ECD: variants seen among roughly 807,000 people sequenced by gnomAD.
ECD encodes the protein ecdysoneless cell cycle regulator.
In ECD, 59 loss-of-function variants were observed where a neutral mutation model predicts 77.2. That is an observed-to-expected ratio of 0.76 (90% CI 0.62 to 0.95). The LOEUF (loss-of-function observed/expected upper bound fraction) is 0.95, where lower values mean the gene tolerates loss of function less well. ECD is among the 40% of genes least tolerant of loss of function. The pLI is 0.00. For missense variants in ECD, 704 were observed against 763.4 expected (o/e 0.92, Z 0.92); for synonymous variants, 233 against 267.4 (o/e 0.87, Z 1.26).
intron 5 of ECD, among the ~76,000 whole-genome samples, chr10:73,155,355 C>T (rs1434901184): frequency 2.0e-5 from 3 of 152,110 alleles, no homozygotes; most frequent in African/African-American, 4.8e-5. Context: ...CGTGAGCCAC[C>T]GCGCCCGGCC....
At chr10:73,160,315 A>C in intron 3 of ECD, 119 bp downstream of exon 3, 1 of 634,368 alleles carries the variant, frequency 1.6e-6, no homozygotes, top group Non-Finnish European at 2.5e-6. Context: ...AGATACTATT[A>C]AAATCTGTAC....
chr10:73,140,273 G>A (rs1019381139), intron 9 of ECD, among the ~76,000 whole-genome samples: 1 of 150,886 alleles, frequency 6.6e-6, no homozygotes, highest in Non-Finnish European at 1.5e-5. Context: ...ATGAGCCACC[G>A]CACCCAGCCT....
intron 13 of ECD, 148 bp downstream of exon 13, chr10:73,136,556 C>A: frequency 1.4e-6 from 1 of 706,280 alleles, no homozygotes; most frequent in East Asian, 2.8e-5. Flanking sequence ...GTCTATGATC[C>A]TTTATCCTAC....
intron 9 of ECD, among the ~76,000 whole-genome samples, chr10:73,140,208 C>T (rs1184552403): frequency 1.3e-5 from 2 of 152,018 alleles, no homozygotes; most frequent in Non-Finnish European, 2.9e-5. Flanking sequence ...TGGTCTCGAA[C>T]TCCTGACCTC....
At chr10:73,167,728 C>T (rs1564670679) in intron 1 of ECD, 138 bp downstream of exon 1, 2 of 152,730 alleles carry the variant, frequency 1.3e-5, no homozygotes, top group Non-Finnish European at 2.9e-5. Flanking sequence ...AGGCTAATAC[C>T]TCACTGTACA....
rs1451060729 is a variant in ECD, at chr10:73,134,760, C to T, written c.1758G>A (p.Thr586=). ...CTACTGGTGCCATAACAGATTCTCC[C>T]GTACCAGAATCTTCCTCATCTGAAT... is the stretch of plus-strand genomic sequence containing the variant. ...DNNSDEEDSG[T]GESVMAPVDV... The change falls in exon 14 of 14, where the codon ACG becomes ACA. Residue 586 remains threonine (T), a synonymous_variant. Transcript: ENST00000372979. The T allele has an allele frequency of 7.4e-6, 12 of 1,613,984 alleles. No homozygotes were observed. The highest frequency in any genetic ancestry group is 2.2e-5 in the South Asian group (2 of 91,074).
At chr10:73,144,255 C>G (rs562564558) in intron 9 of ECD, among the ~76,000 whole-genome samples, 2 of 152,172 alleles carry the variant, frequency 1.3e-5, no homozygotes, top group Admixed American at 1.3e-4. Flanking sequence ...CTATTACAAT[C>G]TCTGATAAAT....
In ECD at chr10:73,156,262, A is replaced by G. The variant is rs760083374; in HGVS notation, c.590+13T>C. On this transcript the variant is annotated intron_variant, in intron 5 of 13. Coordinates refer to ENST00000372979, the MANE Select transcript of ECD (RefSeq NM_007265.3). ...GGTTCCTTAATTAGCAATGAAAGTG[A>G]TATTTTTCTTACCCTCTGATGCGCC... 5 of 1,549,756 alleles carry G rather than the reference A, an allele frequency of 3.2e-6. No homozygotes were observed. The highest frequency in any genetic ancestry group is 4.3e-6 in the Non-Finnish European group (5 of 1,153,888).
At chr10:73,136,403 C>T (rs1222879213) in intron 13 of ECD, among the ~76,000 whole-genome samples, 1 of 151,772 alleles carries the variant, frequency 6.6e-6, no homozygotes, top group African/African-American at 2.4e-5. Flanking sequence ...TTTTTTTAAA[C>T]TACTTTTGAA....
intron 12 of ECD, 40 bp from the exon 13 acceptor site, chr10:73,136,958 ATT>A (rs1188693081): frequency 2.6e-6 from 2 of 769,988 alleles, no homozygotes; most frequent in African/African-American, 3.4e-5. Context: ...CTTAGTAATT[ATT>A]ATTATTATTA....
chr10:73,149,236 T>C (rs1589116896), intron 7 of ECD, among the ~76,000 whole-genome samples: 2 of 152,204 alleles, frequency 1.3e-5, no homozygotes, highest in South Asian at 4.1e-4. Context: ...GTAAAATACA[T>C]AAAGAATCAT....
At chr10:73,157,670 C>A (rs1431490795) in intron 3 of ECD, among the ~76,000 whole-genome samples, 1 of 150,850 alleles carries the variant, frequency 6.6e-6, no homozygotes, top group African/African-American at 2.4e-5. Flanking sequence ...TGCGGTGAGC[C>A]GAGATCGCAC....
Position 73,134,112 on chromosome 10 carries a change from C to T in ECD, c.*471G>A, listed in dbSNP as rs1218736040. ...TTCTATATCTTGCTTCAGGTACATACATACATGCAAAAATTCACTGACTGT... is the reference window on the plus strand; with the variant it reads ...TTCTATATCTTGCTTCAGGTACATATATACATGCAAAAATTCACTGACTGT... On this transcript the variant is annotated 3_prime_UTR_variant, in exon 14 of 14. Transcript: ENST00000372979. 1.3e-5 allele frequency: 2 copies of T among 157,152 alleles called. No homozygotes were observed. Among genetic ancestry groups the T allele is most frequent in the African/African-American group, 4.8e-5 (2 of 41,400 alleles). The allele number at this position is 157,152 out of a possible 1,614,324, so 9.7% of individuals were successfully genotyped here.
At chr10:73,156,237 G>A (rs776901665) in intron 5 of ECD, 38 bp downstream of exon 5, 2 of 1,520,632 alleles carry the variant, frequency 1.3e-6, no homozygotes, top group Non-Finnish European at 1.8e-6. Context: ...GAAACCAAAA[G>A]GTTCCTTAAT....
chr10:73,152,312 T>C lies in ECD; in HGVS notation c.893A>G (p.His298Arg), dbSNP rs142804992. Residue 298 changes from histidine to arginine, a missense_variant, in exon 7 of 14, where the codon CAT (histidine) becomes CGT (arginine). Coordinates refer to ENST00000372979, the MANE Select transcript of ECD (RefSeq NM_007265.3). ...PPPSDPQYRA[H>R]ELGMKLAHGF... ...CATTACCAATTTCATGCCCAATTCA[T>C]GGGCTCGGTACTGGGGATCAGATGG... 6.1e-4 allele frequency: 990 copies of C among 1,613,462 alleles called. 2 individuals carry two copies. The highest frequency in any genetic ancestry group is 7.9e-4 in the Non-Finnish European group (934 of 1,179,500).
intron 2 of ECD, among the ~76,000 whole-genome samples, chr10:73,161,648 T>C (rs1843383143): frequency 6.6e-6 from 1 of 151,836 alleles, no homozygotes; most frequent in African/African-American, 2.4e-5. Flanking sequence ...CTCAAAATCT[T>C]CCAAAAAAAT....
At position 73,167,961 on chromosome 10, in the gene ECD, G is replaced by A. The variant is rs961605678; in HGVS notation, c.-109C>T. 5.6e-5 allele frequency: 13 copies of A among 231,710 alleles called. No homozygotes were observed. The highest frequency in any genetic ancestry group is 1.2e-4 in the African/African-American group (5 of 43,186). 14.4% of individuals were successfully genotyped at this position (231,710 alleles called of 1,614,324 possible). On this transcript the variant is annotated 5_prime_UTR_variant, in exon 1 of 14. Transcript: ENST00000372979. Reference sequence around the variant, plus strand: ...TGATCGAGAGCTGCCACCGGCCGCCGAAGCCTGGATCAGGCTCTGTCCCGA... The same window carrying A: ...TGATCGAGAGCTGCCACCGGCCGCCAAAGCCTGGATCAGGCTCTGTCCCGA...
intron 8 of ECD, among the ~76,000 whole-genome samples, chr10:73,147,148 G>A (rs759628676): frequency 1.2e-4 from 18 of 152,178 alleles, no homozygotes; most frequent in Admixed American, 2.0e-4. Flanking sequence ...GAAAGGCTGA[G>A]GCAGGAGGAT....
rs1270599944 is a variant in ECD, at chr10:73,163,954, T to C, written c.-13-4A>G. 2.5e-6 allele frequency: 4 copies of C among 1,605,404 alleles called. No individual in the cohort carries two copies. Among genetic ancestry groups the C allele is most frequent in the Admixed American group, 3.4e-5 (2 of 59,424 alleles). On this transcript the variant is annotated splice_region_variant and splice_polypyrimidine_tract_variant and intron_variant, in intron 1 of 13. Transcript: ENST00000372979. The stretch of plus-strand genomic sequence containing the variant: ...TTCTTCCATTCTTCTTTGAAAACTA[T>C]GTTTAAAGTTCCAAAATATAAACCA...
Sources: gnomAD v4.1 joint callset for allele counts (sites outside exome capture counted in the v4.1 genomes callset) on GRCh38, gnomAD v4.1.1 for gene constraint, MANE v1.5 for transcripts, NCBI Gene and HGNC (gene_info 2026-07-23, HGNC 2026-07-21) for gene names.